PPP1R12B: variants seen among roughly 807,000 people sequenced by gnomAD.
PPP1R12B encodes protein phosphatase 1 regulatory subunit 12B.
In PPP1R12B, 76 loss-of-function variants were observed where a neutral mutation model predicts 126.1. The observed-to-expected ratio is 0.60, with a 90% CI of 0.50 to 0.73. The LOEUF (loss-of-function observed/expected upper bound fraction) is 0.73. Ranked by LOEUF, PPP1R12B falls within the 30% of genes least tolerant of loss-of-function variation. The probability of loss-of-function intolerance (pLI) is 0.00; values close to 1 mark genes in which losing one functional copy is unlikely to be tolerated. For missense variants in PPP1R12B, 1,052 were observed against 1,205.1 expected (o/e 0.87, Z 1.88); for synonymous variants, 356 against 434.7 (o/e 0.82, Z 2.25).
chr1:202,366,423 G>A (rs1659240605), intron 1 of PPP1R12B, among the ~76,000 whole-genome samples: 1 of 150,868 alleles, frequency 6.6e-6, no homozygotes, highest in Admixed American at 6.6e-5. Context: ...GGAGGCTGAG[G>A]CAGGAGAATT....
chr1:202,576,981 A>AC (rs1209350488), intron 23 of PPP1R12B: 18 of 152,208 alleles, frequency 1.2e-4, no homozygotes, highest in African/African-American at 4.3e-4. Context: ...CACAGTTTTC[A>AC]CCATTTGTTA....
intron 13 of PPP1R12B, among the ~76,000 whole-genome samples, chr1:202,466,869 T>C (rs972897335): frequency 6.6e-6 from 1 of 152,184 alleles, no homozygotes; most frequent in South Asian, 2.1e-4. Context: ...GTTCTCACTT[T>C]TTTTTTTAGA....
At position 202,378,206 on chromosome 1, in the gene PPP1R12B, CTCT is replaced by C. The variant is rs141543736; in HGVS notation, c.291+29072_291+29074del. ...ATTTATTAAGCATCCGTTCTGTGCT[CTCT>C]TCTTCTTTTCCTTAAAATGCCTCAA... is the stretch of plus-strand genomic sequence containing the variant. On this transcript the variant is annotated intron_variant, in intron 1 of 23. Transcript: ENST00000608999. Among the ~76,000 whole-genome samples, 1,404 of 144,978 alleles carry C rather than the reference CTCT, an allele frequency of 9.7e-3. 23 individuals are homozygous for C. Among genetic ancestry groups the C allele is most frequent in the African/African-American group, 0.034 (1,354 of 39,386 alleles).
intron 2 of PPP1R12B, among the ~76,000 whole-genome samples, chr1:202,420,603 G>T (rs1484363907): frequency 6.6e-6 from 1 of 152,166 alleles, no homozygotes; most frequent in Non-Finnish European, 1.5e-5. Flanking sequence ...GATATTTCAG[G>T]GTTGGGGAGG....
intron 18 of PPP1R12B, among the ~76,000 whole-genome samples, chr1:202,550,272 T>A (rs969421618): frequency 3.9e-5 from 6 of 152,294 alleles, no homozygotes; most frequent in African/African-American, 1.4e-4. Context: ...AAAATAAAGT[T>A]ACTGCTACCC....
At chr1:202,430,583 T>C (rs1205115096) in intron 6 of PPP1R12B, 148 bp from the exon 7 acceptor site, 10 of 683,112 alleles carry the variant, frequency 1.5e-5, no homozygotes, top group South Asian at 4.9e-5. Context: ...CCAACTGATA[T>C]GTTTCTCTTT....
At position 202,567,829 on chromosome 1, in the gene PPP1R12B, C is replaced by T. The variant is rs774833034; in HGVS notation, c.2809C>T (p.Arg937Trp). 6 of 1,613,774 alleles carry T rather than the reference C, an allele frequency of 3.7e-6. No individual in the cohort carries two copies. Among genetic ancestry groups the T allele is most frequent in the South Asian group, 3.3e-5 (3 of 91,056 alleles). The stretch of plus-strand genomic sequence containing the variant: ...ATCATCAGTGCTGGAGATGGAGAAA[C>T]GGGTATGCGCATGTCTGTTTCCCCC... ...DRSSVLEMEK[R>W]ERRALERKMS... The change falls in exon 22 of 24, where the codon CGG becomes TGG. Residue 937 changes from arginine to tryptophan, a missense_variant and splice_region_variant. Coordinates refer to ENST00000608999, the MANE Select transcript of PPP1R12B (RefSeq NM_002481.4).
chr1:202,535,354 TA>T (rs1010536722), intron 18 of PPP1R12B, among the ~76,000 whole-genome samples: 3 of 152,092 alleles, frequency 2.0e-5, no homozygotes, highest in African/African-American at 4.8e-5. Context: ...TTTTTTAATT[TA>T]AAAAAATAAA....
intron 1 of PPP1R12B, among the ~76,000 whole-genome samples, chr1:202,353,234 TC>T (rs1656367136): frequency 6.6e-6 from 1 of 152,212 alleles, no homozygotes; most frequent in Non-Finnish European, 1.5e-5. Context: ...TTTAACCTTT[TC>T]TCTTTTATTC....
In PPP1R12B at chr1:202,495,638, A is replaced by G; in HGVS notation, c.2404A>G (p.Lys802Glu). Reference sequence around the variant, plus strand: ...GTCCATCCGAGAGAGGAGGCGGCCCAAGGAACGACGAAGAGGCACAGGCAT... The same window carrying G: ...GTCCATCCGAGAGAGGAGGCGGCCCGAGGAACGACGAAGAGGCACAGGCAT... ...RLSIRERRRP[K>E]ERRRGTGINF... Residue 802 changes from lysine to glutamate, a missense_variant, in exon 17 of 24, where the codon AAG (lysine) becomes GAG (glutamate). By Grantham distance (56) the Lys-to-Glu change is moderately conservative (BLOSUM62 1). Coordinates refer to ENST00000608999, the MANE Select transcript of PPP1R12B (RefSeq NM_002481.4). The G allele has an allele frequency of 6.2e-7, 1 of 1,614,148 alleles. No individual in the cohort carries two copies. Among genetic ancestry groups the G allele is most frequent in the Non-Finnish European group, 8.5e-7 (1 of 1,180,012 alleles).
rs1056420070 is a variant in PPP1R12B, at chr1:202,444,973, G to T, written c.1667+2401G>T. On this transcript the variant is annotated intron_variant, in intron 12 of 23. Transcript: ENST00000608999. ...TATTCATTTCAAGTGCACAATCTGG[G>T]TGGGAAGGTGGTGCTGGGAAATGGT... is the stretch of plus-strand genomic sequence containing the variant. 45 of 1,176,130 alleles carry T rather than the reference G, an allele frequency of 3.8e-5. 1 individual carries two copies. Among genetic ancestry groups the T allele is most frequent in the Non-Finnish European group, 4.6e-5 (43 of 924,770 alleles). The allele number at this position is 1,176,130 out of a possible 1,614,324, so 72.9% of individuals were successfully genotyped here.
chr1:202,385,732 C>A (rs1313269669), intron 1 of PPP1R12B, among the ~76,000 whole-genome samples: 1 of 152,164 alleles, frequency 6.6e-6, no homozygotes, highest in Non-Finnish European at 1.5e-5. Flanking sequence ...CATACAATAA[C>A]TGTCACATTT....
At chr1:202,509,242 C>T (rs1382589376) in intron 18 of PPP1R12B, among the ~76,000 whole-genome samples, 3 of 152,164 alleles carry the variant, frequency 2.0e-5, no homozygotes, top group Non-Finnish European at 4.4e-5. Context: ...TGTTGGGGAA[C>T]ATCATGTGTT....
At chr1:202,443,055 G>GT (rs1553288647) in intron 12 of PPP1R12B, 40 of 970,704 alleles carry the variant, frequency 4.1e-5, no homozygotes, top group East Asian at 1.1e-4. Context: ...GACTTGAGTT[G>GT]TTTTTTTTCT....
intron 6 of PPP1R12B, 136 bp from the exon 7 acceptor site, chr1:202,430,595 T>A (rs533244551): frequency 1.3e-6 from 1 of 782,914 alleles, no homozygotes; most frequent in East Asian, 2.8e-5. Flanking sequence ...TTTCTCTTTT[T>A]CTCGGGTTCC....
intron 1 of PPP1R12B, among the ~76,000 whole-genome samples, chr1:202,370,990 T>G (rs1044527686): frequency 1.6e-4 from 24 of 151,460 alleles, no homozygotes; most frequent in Non-Finnish European, 3.4e-4. Context: ...CGAGTTCCAT[T>G]TGCTCCACAT....
intron 1 of PPP1R12B, among the ~76,000 whole-genome samples, chr1:202,365,517 C>T (rs925870391): frequency 3.3e-5 from 5 of 152,118 alleles, no homozygotes; most frequent in African/African-American, 1.2e-4. Context: ...ATTATCTTTA[C>T]ATCAACAGCT....
intron 1 of PPP1R12B, among the ~76,000 whole-genome samples, chr1:202,389,543 C>T (rs575555352): frequency 6.6e-6 from 1 of 152,098 alleles, no homozygotes; most frequent in Admixed American, 6.6e-5. Context: ...ACTCGGGAGG[C>T]TGAGGCAGAA....
chr1:202,414,525 G>C (rs1279749662), intron 1 of PPP1R12B, among the ~76,000 whole-genome samples: 2 of 152,106 alleles, frequency 1.3e-5, no homozygotes, highest in Non-Finnish European at 2.9e-5. Flanking sequence ...GATCTTATCA[G>C]AAAAGTGAAT....
Sources: gnomAD v4.1 joint callset for allele counts (sites outside exome capture counted in the v4.1 genomes callset) on GRCh38, gnomAD v4.1.1 for gene constraint, MANE v1.5 for transcripts, NCBI Gene and HGNC (gene_info 2026-07-23, HGNC 2026-07-21) for gene names.